The following ACACB variants were observed in gnomAD, a reference collection of about 807,000 sequenced individuals.
ACACB encodes the protein acetyl-CoA carboxylase beta.
Under a neutral mutation model 278.8 loss-of-function variants are expected in ACACB, and 209 were observed. The observed-to-expected ratio is 0.75, with a 90% confidence interval of 0.67 to 0.84. The LOEUF (loss-of-function observed/expected upper bound fraction) is 0.84. Ranked by LOEUF, ACACB falls within the 40% of genes least tolerant of loss-of-function variation. The pLI, the probability that ACACB is intolerant of heterozygous loss-of-function variation, is 0.00. For missense variants in ACACB, 2,850 were observed against 3,269.0 expected (o/e 0.87, Z 3.13); for synonymous variants, 1,174 against 1,285.6 (o/e 0.91, Z 1.86).
chr12:109,120,734 CCCACACACGTGTG>C (rs1184908157), intron 1 of ACACB, among the ~76,000 whole-genome samples: 2 of 152,156 alleles, frequency 1.3e-5, no homozygotes, highest in Non-Finnish European at 2.9e-5. Context: ...AGAAAACACA[CCCACACACGTGTG>C]CCACACACGT....
Position 109,264,289 on chromosome 12 carries a change from G to A in ACACB, c.6845G>A (p.Arg2282His), listed in dbSNP as rs565580708. ...RKDLEGRLKA[R>H]EDLLLPIYHQ... ...GACCTGGAGGGCCGGCTAAAGGCTCGCGAGGACCTGCTGCTCCCCATCTAC... is the reference window on the plus strand; with the variant it reads ...GACCTGGAGGGCCGGCTAAAGGCTCACGAGGACCTGCTGCTCCCCATCTAC... The change falls in exon 50 of 53, where the codon CGC becomes CAC. Residue 2282 changes from arginine to histidine, a missense_variant. Arg to His is a conservative substitution (Grantham distance 29). Coordinates refer to ENST00000338432, the MANE Select transcript of ACACB (RefSeq NM_001093.4). The A allele has an allele frequency of 3.5e-5, 56 of 1,614,128 alleles. 1 individual carries two copies. The East Asian group carries it at 1.1e-3, about 33-fold the overall frequency.
Position 109,174,122 on chromosome 12 carries a change from G to T in ACACB, c.1118-10G>T. On this transcript the variant is annotated splice_polypyrimidine_tract_variant and intron_variant, in intron 6 of 52. Transcript: ENST00000338432. ...GGATTCTGCTTCCCTTCTTGTCCCC[G>T]ATTCCTCAGGCCCTCCCAGTGAGGC... 6.2e-7 allele frequency: 1 copy of T among 1,605,580 alleles called. No individual in the cohort carries two copies.
At chr12:109,240,231 A>G (rs910275329) in intron 35 of ACACB, among the ~76,000 whole-genome samples, 1 of 152,208 alleles carries the variant, frequency 6.6e-6, no homozygotes, top group Non-Finnish European at 1.5e-5. Context: ...ATGTCTTTCA[A>G]AACAAAATTT....
intron 7 of ACACB, among the ~76,000 whole-genome samples, chr12:109,175,537 T>A (rs1019371342): frequency 1.3e-5 from 2 of 152,164 alleles, no homozygotes; most frequent in African/African-American, 4.8e-5. Flanking sequence ...TGTATCAGCC[T>A]CCCGAGTAGC....
chr12:109,199,289 G>A (rs753798363), intron 17 of ACACB, 113 bp from the exon 18 acceptor site: 68 of 937,022 alleles, frequency 7.3e-5, no homozygotes, highest in Admixed American at 6.7e-5. Flanking sequence ...CTTTGGGAAT[G>A]TAGAGGGTAC....
Position 109,212,835 on chromosome 12 carries a change from G to C in ACACB, c.3250-1G>C, listed in dbSNP as rs764509206. On this transcript the variant is annotated splice_acceptor_variant, in intron 21 of 52. Transcript: ENST00000338432. LOFTEE classifies it high-confidence loss of function. Reference sequence around the variant, plus strand: ...CAGACCTGTCTTGTTTTCCCATCCAGATAGCCACCATCCTGGACTGCCATG... The same window carrying C: ...CAGACCTGTCTTGTTTTCCCATCCACATAGCCACCATCCTGGACTGCCATG... 5 of 1,613,826 alleles carry C rather than the reference G, an allele frequency of 3.1e-6. No individual in the cohort carries two copies. In the South Asian group the frequency reaches 5.5e-5, roughly 18 times the overall value.
chr12:109,128,362 A>C (rs1481710673), intron 1 of ACACB, among the ~76,000 whole-genome samples: 1 of 151,044 alleles, frequency 6.6e-6, no homozygotes, highest in Non-Finnish European at 1.5e-5. Context: ...TTTTAGACGG[A>C]GTTTCACTCT....
intron 11 of ACACB, among the ~76,000 whole-genome samples, chr12:109,184,356 G>T (rs2044581819): frequency 6.6e-6 from 1 of 152,042 alleles, no homozygotes; most frequent in Non-Finnish European, 1.5e-5. Context: ...CCCGGCCGTG[G>T]GCTCAATCTT....
At chr12:109,169,328 C>G (rs1367387652) in intron 4 of ACACB, among the ~76,000 whole-genome samples, 3 of 152,126 alleles carry the variant, frequency 2.0e-5, no homozygotes, top group Admixed American at 6.5e-5. Flanking sequence ...ACTTACAGCT[C>G]TGTTTTACAG....
chr12:109,189,304 T>C (rs889171954), intron 13 of ACACB, among the ~76,000 whole-genome samples: 1 of 152,168 alleles, frequency 6.6e-6, no homozygotes, highest in Non-Finnish European at 1.5e-5. Context: ...CTTAGAATAA[T>C]TAATTTTAAT....
intron 34 of ACACB, among the ~76,000 whole-genome samples, chr12:109,239,415 G>A (rs1462393094): frequency 6.6e-6 from 1 of 152,208 alleles, no homozygotes; most frequent in Non-Finnish European, 1.5e-5. Context: ...GTGGACGAGA[G>A]CCTTGATTGT....
In ACACB at chr12:109,232,652, T is replaced by G; in HGVS notation, c.4002-17T>G. 2 of 1,609,668 alleles carry G rather than the reference T, an allele frequency of 1.2e-6. No homozygotes were observed. The highest frequency in any genetic ancestry group is 1.7e-6 in the Non-Finnish European group (2 of 1,177,232). On this transcript the variant is annotated splice_polypyrimidine_tract_variant and intron_variant, in intron 28 of 52. Transcript: ENST00000338432. ...TGCAAGCAGCTGCCTCATCCCCGAC[T>G]TGCCATCACCTTACAGGATGACCGT...
chr12:109,202,036 A>G (rs1593543141), intron 19 of ACACB, among the ~76,000 whole-genome samples: 2 of 151,200 alleles, frequency 1.3e-5, no homozygotes, highest in African/African-American at 4.9e-5. Flanking sequence ...AATACACTGG[A>G]CCCCTCCCTC....
chr12:109,236,604 C>T (rs937465398), intron 33 of ACACB, among the ~76,000 whole-genome samples: 1 of 152,164 alleles, frequency 6.6e-6, no homozygotes, highest in Non-Finnish European at 1.5e-5. Context: ...TTTAAGAAAA[C>T]GTTTACCGAT....
At chr12:109,225,674 T>G (rs2046293005) in intron 27 of ACACB, among the ~76,000 whole-genome samples, 1 of 152,254 alleles carries the variant, frequency 6.6e-6, no homozygotes, top group African/African-American at 2.4e-5. Context: ...CATTTCCTGT[T>G]CAGTTGAAAA....
At chr12:109,193,557 A>G (rs1186908342) in intron 15 of ACACB, 91 bp from the exon 16 acceptor site, 5 of 1,067,108 alleles carry the variant, frequency 4.7e-6, no homozygotes, top group Non-Finnish European at 7.2e-6. Flanking sequence ...TTGCTGATGC[A>G]GAGAGTTGCG....
chr12:109,135,105 C>T (rs917889181), intron 1 of ACACB, among the ~76,000 whole-genome samples: 66 of 152,242 alleles, frequency 4.3e-4, no homozygotes, highest in Non-Finnish European at 3.7e-4. Flanking sequence ...TTTTCCACAA[C>T]GGCTACAACA....
intron 49 of ACACB, chr12:109,262,984 T>TATATA (rs1593741001): frequency 6.2e-5 from 2 of 32,096 alleles, no homozygotes; most frequent in East Asian, 1.5e-3. Context: ...ATATATATAT[T>TATATA]GCCATCGTGA....
In ACACB at chr12:109,139,737, C is replaced by G; in HGVS notation, c.332C>G (p.Pro111Arg). 1.2e-6 allele frequency: 2 copies of G among 1,614,170 alleles called. No homozygotes were observed. Among genetic ancestry groups the G allele is most frequent in the Non-Finnish European group, 1.7e-6 (2 of 1,180,034 alleles). Reference sequence around the variant, plus strand: ...CCCCTTTCTTCCAGTGACGCAGCACCCTCCCCAGAGCTTCAAGCCAACGGG... The same window carrying G: ...CCCCTTTCTTCCAGTGACGCAGCACGCTCCCCAGAGCTTCAAGCCAACGGG... ...RNPLSSSDAA[P>R]SPELQANGTG... is the part of the protein sequence containing the mutation. The change falls in exon 2 of 53, where the codon CCC (proline) becomes CGC (arginine). Residue 111 changes from proline (P) to arginine (R), a missense_variant. Coordinates refer to ENST00000338432, the MANE Select transcript of ACACB (RefSeq NM_001093.4).
Sources: allele counts gnomAD v4.1 joint callset (sites outside exome capture counted in the v4.1 genomes callset), GRCh38; gene constraint gnomAD v4.1.1; transcripts MANE v1.5; gene names NCBI Gene and HGNC (gene_info 2026-07-23, HGNC 2026-07-21).